The following CSMD1 variants were observed in gnomAD, a reference collection of about 807,000 sequenced individuals.
The protein encoded by CSMD1 is CUB and sushi domain-containing protein 1.
A neutral mutation model predicts 417.5 loss-of-function variants in CSMD1; 213 were observed. That is an observed-to-expected ratio of 0.51 (90% CI 0.46 to 0.57). The LOEUF (loss-of-function observed/expected upper bound fraction) is 0.57. CSMD1 is among the 20% of genes least tolerant of loss of function. The pLI is 0.00. For synonymous variants in CSMD1, 2,862 were observed against 1,736.8 expected (o/e 1.65, Z -16.11); for missense variants, 6,923 against 4,529.7 (o/e 1.53, Z -15.17).
At chr8:2,995,066 T>G (rs115908120) in intron 54 of CSMD1, among the ~76,000 whole-genome samples, 1 of 152,154 alleles carries the variant, frequency 6.6e-6, no homozygotes, top group Non-Finnish European at 1.5e-5. Context: ...AATTTAAAAC[T>G]TGTGCTGCTC....
intron 21 of CSMD1, among the ~76,000 whole-genome samples, chr8:3,349,884 T>TAAAA (rs1554522100): frequency 8.0e-6 from 1 of 125,538 alleles, no homozygotes; most frequent in African/African-American, 2.9e-5. Context: ...TATATCTATA[T>TAAAA]ATATATTTAT....
chr8:4,280,744 G>A (rs1307145869), intron 3 of CSMD1, among the ~76,000 whole-genome samples: 1 of 152,006 alleles, frequency 6.6e-6, no homozygotes, highest in Admixed American at 6.6e-5. Flanking sequence ...TACTTTCCTA[G>A]TACCCATATT....
chr8:4,650,620 A>T (rs137921204), intron 1 of CSMD1, among the ~76,000 whole-genome samples: 1 of 152,118 alleles, frequency 6.6e-6, no homozygotes, highest in East Asian at 1.9e-4. Flanking sequence ...TTTGGCAAAA[A>T]GGAAGTGACA....
At chr8:4,290,389 A>G (rs1388615629) in intron 3 of CSMD1, among the ~76,000 whole-genome samples, 1 of 152,236 alleles carries the variant, frequency 6.6e-6, no homozygotes, top group East Asian at 1.9e-4. Flanking sequence ...AGACGTAGGA[A>G]GTGGTAAACA....
At chr8:4,749,141 T>G (rs1448522306) in intron 1 of CSMD1, among the ~76,000 whole-genome samples, 1 of 152,252 alleles carries the variant, frequency 6.6e-6, no homozygotes, top group East Asian at 1.9e-4. Flanking sequence ...AATATTGTCA[T>G]GAGTCATAGA....
At chr8:4,866,790 G>A (rs544282171) in intron 1 of CSMD1, among the ~76,000 whole-genome samples, 30 of 151,988 alleles carry the variant, frequency 2.0e-4, no homozygotes, top group African/African-American at 6.5e-4. Flanking sequence ...TGGACGAAAA[G>A]CAAAAATATT....
At chr8:4,391,872 T>A (rs868293868) in intron 3 of CSMD1, among the ~76,000 whole-genome samples, 1 of 152,180 alleles carries the variant, frequency 6.6e-6, no homozygotes, top group African/African-American at 2.4e-5. Flanking sequence ...TCTGGGTATG[T>A]CCACCAGCTT....
intron 3 of CSMD1, among the ~76,000 whole-genome samples, chr8:4,269,190 G>T (rs982925285): frequency 6.6e-6 from 1 of 152,060 alleles, no homozygotes; most frequent in East Asian, 1.9e-4. Flanking sequence ...CCTAGTAGCT[G>T]GGACTACAGA....
intron 1 of CSMD1, among the ~76,000 whole-genome samples, chr8:4,966,024 T>C (rs1382570990): frequency 1.3e-5 from 2 of 151,976 alleles, no homozygotes; most frequent in Admixed American, 6.6e-5. Flanking sequence ...CTTTATGATA[T>C]GCAAGTATTT....
At chr8:3,941,615 GAAGAT>G (rs1486486678) in intron 5 of CSMD1, among the ~76,000 whole-genome samples, 3 of 152,128 alleles carry the variant, frequency 2.0e-5, no homozygotes, top group African/African-American at 4.8e-5. Context: ...GGTAATTCAT[GAAGAT>G]AAGACTTAAT....
chr8:4,131,916 C>G (rs999050777), intron 3 of CSMD1, among the ~76,000 whole-genome samples: 5 of 152,020 alleles, frequency 3.3e-5, no homozygotes, highest in Admixed American at 6.6e-5. Context: ...GTGCCCGCAA[C>G]CACACCTGGC....
intron 3 of CSMD1, among the ~76,000 whole-genome samples, chr8:4,336,811 C>G (rs886838755): frequency 3.9e-5 from 6 of 152,092 alleles, no homozygotes; most frequent in East Asian, 3.9e-4. Context: ...AAGGCAGGCT[C>G]TCAGTAACTA....
At chr8:2,979,607 A>C (rs1394072432) in intron 54 of CSMD1, among the ~76,000 whole-genome samples, 1 of 152,234 alleles carries the variant, frequency 6.6e-6, no homozygotes, top group African/African-American at 2.4e-5. Context: ...CACTGTGCAA[A>C]TGAATCTCGG....
intron 3 of CSMD1, among the ~76,000 whole-genome samples, chr8:4,152,538 A>C (rs1796622520): frequency 6.6e-6 from 1 of 151,448 alleles, no homozygotes; most frequent in South Asian, 2.1e-4. Flanking sequence ...AAAAAAAAAA[A>C]AATTAGCTAG....
intron 3 of CSMD1, among the ~76,000 whole-genome samples, chr8:4,040,634 G>C (rs1019496205): frequency 1.3e-5 from 2 of 152,132 alleles, no homozygotes; most frequent in African/African-American, 4.8e-5. Flanking sequence ...TTCTTAGGTA[G>C]AATGGAGGGC....
chr8:4,096,432 G>A (rs17068949), intron 3 of CSMD1, among the ~76,000 whole-genome samples: 34,030 of 152,008 alleles, frequency 0.22, 4,739 homozygotes, highest in African/African-American at 0.39. Flanking sequence ...AAGGAAAAAT[G>A]CAAACCAGAT....
At chr8:3,546,653 AT>A (rs1368781093) in intron 10 of CSMD1, among the ~76,000 whole-genome samples, 13 of 152,236 alleles carry the variant, frequency 8.5e-5, no homozygotes, top group African/African-American at 2.2e-4. Flanking sequence ...ACAAAAAAAA[AT>A]TACTCATCAA....
rs568917422 is a variant in CSMD1 at position 4,628,191 on chromosome 8, T to A, written c.302+9151A>T. Among the ~76,000 whole-genome samples the A allele has an allele frequency of 2.0e-4, 31 of 151,550 alleles. No homozygotes were observed. In the South Asian group the frequency reaches 6.2e-3, roughly 31 times the overall value. ...ATGATTTTTAAAATTTTTCTTGCAG[T>A]TCTATGTTAACATTTTCTTGTAGTT... On this transcript the variant is annotated intron_variant, in intron 2 of 69. Transcript: ENST00000635120.
chr8:3,061,535 T>C (rs554119004), intron 49 of CSMD1, among the ~76,000 whole-genome samples: 3 of 152,290 alleles, frequency 2.0e-5, no homozygotes, highest in Middle Eastern at 3.4e-3. Flanking sequence ...CTGGGAGACG[T>C]GAAGCTTAAT....
Sources: allele counts gnomAD v4.1 joint callset (sites outside exome capture counted in the v4.1 genomes callset), GRCh38; gene constraint gnomAD v4.1.1; transcripts MANE v1.5; gene names NCBI Gene and HGNC (gene_info 2026-07-23, HGNC 2026-07-21).